MARCHF1: variants seen among roughly 807,000 people sequenced by gnomAD.
MARCHF1 encodes membrane associated ring-CH-type finger 1.
In MARCHF1, 40 loss-of-function variants were observed where a neutral mutation model predicts 54.2. That is an observed-to-expected ratio of 0.74 (90% confidence interval 0.57 to 0.96). MARCHF1 has a LOEUF of 0.96. Ranked by LOEUF, MARCHF1 falls within the 40% of genes least tolerant of loss-of-function variation. The probability of loss-of-function intolerance (pLI) is 0.00; values close to 1 mark genes in which losing one functional copy is unlikely to be tolerated. For missense variants in MARCHF1, 586 were observed against 656.5 expected (o/e 0.89, Z 1.17); for synonymous variants, 236 against 236.3 (o/e 1.00, Z 0.01).
At chr4:163,712,620 A>C (rs1374231717) in intron 4 of MARCHF1, among the ~76,000 whole-genome samples, 1 of 152,120 alleles carries the variant, frequency 6.6e-6, no homozygotes, top group African/African-American at 2.4e-5. Flanking sequence ...CCCTTATGTC[A>C]GTAATATGTA....
chr4:163,754,355 T>C (rs1163031850), intron 4 of MARCHF1, among the ~76,000 whole-genome samples: 3 of 152,186 alleles, frequency 2.0e-5, no homozygotes, highest in Non-Finnish European at 2.9e-5. Context: ...AAGAGGAGTT[T>C]ATTCAAAATG....
At chr4:164,143,218 G>A (rs1756596111) in intron 1 of MARCHF1, among the ~76,000 whole-genome samples, 1 of 151,968 alleles carries the variant, frequency 6.6e-6, no homozygotes, top group Non-Finnish European at 1.5e-5. Context: ...AAAGTGACTG[G>A]GAGAATGGAA....
At chr4:164,334,735 T>C (rs1013070217) in intron 1 of MARCHF1, among the ~76,000 whole-genome samples, 11 of 152,238 alleles carry the variant, frequency 7.2e-5, no homozygotes, top group African/African-American at 2.4e-4. Context: ...CCATAAATGG[T>C]GATTCCTTTG....
intron 4 of MARCHF1, among the ~76,000 whole-genome samples, chr4:163,824,343 A>G (rs1748783779): frequency 6.6e-6 from 1 of 151,614 alleles, no homozygotes; most frequent in Non-Finnish European, 1.5e-5. Context: ...CCGCATATCT[A>G]CAACTATCTG....
intron 2 of MARCHF1, among the ~76,000 whole-genome samples, chr4:164,065,045 G>C (rs376320047): frequency 6.6e-6 from 1 of 152,050 alleles, no homozygotes; most frequent in Non-Finnish European, 1.5e-5. Flanking sequence ...TGCTGGATTC[G>C]GTTTGCCAGT....
intron 1 of MARCHF1, among the ~76,000 whole-genome samples, chr4:164,217,374 T>C (rs1731963394): frequency 6.6e-6 from 1 of 152,206 alleles, no homozygotes; most frequent in African/African-American, 2.4e-5. Context: ...TTTTGAGACA[T>C]TGTTAAACAA....
intron 3 of MARCHF1, among the ~76,000 whole-genome samples, chr4:163,864,219 T>C (rs901516442): frequency 1.3e-5 from 2 of 151,944 alleles, no homozygotes; most frequent in African/African-American, 4.8e-5. Context: ...AAACATACCT[T>C]AGCCAGGTAA....
Position 163,733,198 on chromosome 4 carries a change from T to TAC in MARCHF1, c.112-32336_112-32335insGT, listed in dbSNP as rs1318611053. ...GTGTGTATATATATATATATATATA[T>TAC]ATATATATATATATATATATATACA... On this transcript the variant is annotated intron_variant, in intron 4 of 9. Coordinates refer to ENST00000514618, the MANE Select transcript of MARCHF1 (RefSeq NM_001394959.1). Among the ~76,000 whole-genome samples the TAC allele has an allele frequency of 2.1e-3, 60 of 29,212 alleles. 5 individuals are homozygous for TAC. The highest frequency in any genetic ancestry group is 5.8e-3 in the African/African-American group (57 of 9,746). 19.2% of individuals were successfully genotyped at this position (29,212 alleles called of 152,430 possible). A position where few individuals can be genotyped will look rare whatever the true frequency, so the allele number is the denominator to read the frequency against.
chr4:164,350,425 C>A (rs1052544097), intron 1 of MARCHF1, among the ~76,000 whole-genome samples: 2 of 152,004 alleles, frequency 1.3e-5, no homozygotes, highest in African/African-American at 4.8e-5. Flanking sequence ...GGAATAAGTT[C>A]TAGTGTTCTA....
At chr4:164,216,685 T>A (rs890673476) in intron 1 of MARCHF1, among the ~76,000 whole-genome samples, 1 of 152,132 alleles carries the variant, frequency 6.6e-6, no homozygotes, top group African/African-American at 2.4e-5. Flanking sequence ...AACACAGAGC[T>A]CATACTCTGT....
intron 1 of MARCHF1, among the ~76,000 whole-genome samples, chr4:164,242,570 C>G (rs1380584749): frequency 6.6e-6 from 1 of 152,052 alleles, no homozygotes; most frequent in Non-Finnish European, 1.5e-5. Flanking sequence ...AAGCAGAGCG[C>G]CTCTCCTCCT....
chr4:163,941,323 T>C (rs1033926390), intron 3 of MARCHF1, among the ~76,000 whole-genome samples: 1 of 152,050 alleles, frequency 6.6e-6, no homozygotes, highest in Admixed American at 6.6e-5. Context: ...AGCTAGGCAC[T>C]GAACGGAGTC....
At chr4:163,943,748 TAAAA>T (rs5863641) in intron 3 of MARCHF1, among the ~76,000 whole-genome samples, 28,916 of 123,436 alleles carry the variant, frequency 0.23, 3,121 homozygotes, top group South Asian at 0.37. Flanking sequence ...AAATAGAAGT[TAAAA>T]AAAAAAAAAA....
chr4:164,223,335 G>T (rs1196716594), intron 1 of MARCHF1, among the ~76,000 whole-genome samples: 2 of 151,862 alleles, frequency 1.3e-5, no homozygotes, highest in Admixed American at 1.3e-4. Flanking sequence ...AAATTGTGAG[G>T]GGAGAAACTA....
chr4:163,717,795 C>A (rs1745313388), intron 4 of MARCHF1, among the ~76,000 whole-genome samples: 1 of 152,132 alleles, frequency 6.6e-6, no homozygotes, highest in African/African-American at 2.4e-5. Flanking sequence ...TAAATGTCTT[C>A]TTTTGAGAAG....
At chr4:164,023,518 T>TA (rs527338445) in intron 2 of MARCHF1, among the ~76,000 whole-genome samples, 58 of 152,148 alleles carry the variant, frequency 3.8e-4, no homozygotes, top group South Asian at 1.2e-3. Context: ...AATCTATAAA[T>TA]AAATAAAATA....
intron 2 of MARCHF1, among the ~76,000 whole-genome samples, chr4:164,034,104 TAG>T: frequency 7.1e-6 from 1 of 141,758 alleles, no homozygotes; most frequent in African/African-American, 2.8e-5. Flanking sequence ...GATAGATAGA[TAG>T]ATAGATAGAT....
intron 5 of MARCHF1, among the ~76,000 whole-genome samples, chr4:163,639,030 G>A (rs1374910461): frequency 1.3e-5 from 2 of 152,068 alleles, no homozygotes; most frequent in Admixed American, 6.5e-5. Context: ...AGAGACTGGA[G>A]GGCAGTGGGG....
chr4:164,017,827 C>T lies in MARCHF1; in HGVS notation c.-247-29118G>A, dbSNP rs573187362. 4.9e-3 allele frequency among the ~76,000 whole-genome samples: 458 copies of T among 93,988 alleles called. No homozygotes were observed. The Middle Eastern group carries it at 0.056, about 12-fold the overall frequency. 61.7% of individuals were successfully genotyped at this position (93,988 alleles called of 152,430 possible). ...AAGTTTATATGGAAATGCAAAGAAC[C>T]TAAATTAGCAAAAAAAAAAAAAAAG... On this transcript the variant is annotated intron_variant, in intron 2 of 9. Transcript: ENST00000514618.
Sources: allele counts gnomAD v4.1 joint callset (sites outside exome capture counted in the v4.1 genomes callset), GRCh38; gene constraint gnomAD v4.1.1; transcripts MANE v1.5; gene names NCBI Gene and HGNC (gene_info 2026-07-23, HGNC 2026-07-21).